HPSE2: variants seen among roughly 807,000 people sequenced by gnomAD.
The protein encoded by HPSE2 is heparanase 2 (inactive).
Under a neutral mutation model 60.5 loss-of-function variants are expected in HPSE2, and 38 were observed. That is an observed-to-expected ratio of 0.63 (90% confidence interval 0.48 to 0.82). HPSE2 has a LOEUF of 0.82. Ranked by LOEUF, HPSE2 falls within the 40% of genes least tolerant of loss-of-function variation. The pLI is 0.00. For synonymous variants in HPSE2, 295 were observed against 293.2 expected (o/e 1.01, Z -0.06); for missense variants, 713 against 740.4 (o/e 0.96, Z 0.43).
chr10:99,232,935 C>G (rs1849711257), intron 1 of HPSE2, among the ~76,000 whole-genome samples: 1 of 152,246 alleles, frequency 6.6e-6, no homozygotes, highest in Non-Finnish European at 1.5e-5. Context: ...CGACCGTTGC[C>G]AAAAACTTGT....
chr10:99,292,446 A>T, the HPSE2 span, among the ~76,000 whole-genome samples: 2 of 152,204 alleles, frequency 1.3e-5, no homozygotes, highest in Non-Finnish European at 2.9e-5. Flanking sequence ...TTGAACAAGC[A>T]TTCAGGGAGT....
intron 3 of HPSE2, among the ~76,000 whole-genome samples, chr10:98,906,202 C>G (rs993695859): frequency 6.6e-6 from 1 of 152,198 alleles, no homozygotes; most frequent in Non-Finnish European, 1.5e-5. Flanking sequence ...GCTTTCTTCC[C>G]TTTCCCCAAA....
chr10:99,111,095 T>C (rs1202523193), intron 3 of HPSE2, among the ~76,000 whole-genome samples: 3 of 152,156 alleles, frequency 2.0e-5, no homozygotes, highest in Non-Finnish European at 4.4e-5. Flanking sequence ...GAATTACCCT[T>C]CCTCCTTTGT....
intron 9 of HPSE2, among the ~76,000 whole-genome samples, chr10:98,605,263 T>C (rs931032859): frequency 1.3e-5 from 2 of 152,184 alleles, no homozygotes; most frequent in African/African-American, 4.8e-5. Flanking sequence ...CTGGGGATAA[T>C]GAGTGAACAA....
rs543014943 is a variant in HPSE2 at position 98,977,709 on chromosome 10, T to C, written c.610+166529A>G. ...CTTCCATTATATTCTTTCATGAGAC[T>C]ACAATAACTTTTGCCTCTCTGCCTT... On this transcript the variant is annotated intron_variant, in intron 3 of 11. Coordinates refer to ENST00000370552, the MANE Select transcript of HPSE2 (RefSeq NM_021828.5). Among the ~76,000 whole-genome samples, 3 of 152,272 alleles carry C rather than the reference T, an allele frequency of 2.0e-5. No homozygotes were observed. The East Asian group carries it at 5.8e-4, about 29-fold the overall frequency.
At chr10:99,153,008 C>G (rs547274945) in intron 2 of HPSE2, among the ~76,000 whole-genome samples, 1 of 152,312 alleles carries the variant, frequency 6.6e-6, no homozygotes, top group African/African-American at 2.4e-5. Context: ...CCTGGAAAAT[C>G]GGGTCAATCC....
intron 2 of HPSE2, among the ~76,000 whole-genome samples, chr10:99,174,714 A>G (rs1012424151): frequency 6.6e-6 from 1 of 152,200 alleles, no homozygotes; most frequent in Non-Finnish European, 1.5e-5. Context: ...ACCTGAGAAC[A>G]TGATTGTATT....
intron 2 of HPSE2, among the ~76,000 whole-genome samples, chr10:99,231,047 C>A (rs944316337): frequency 1.7e-4 from 26 of 152,092 alleles, no homozygotes; most frequent in African/African-American, 6.3e-4. Context: ...AAAGATATAG[C>A]CTTAAACACC....
At chr10:98,919,562 T>A (rs1163807313) in intron 3 of HPSE2, among the ~76,000 whole-genome samples, 1 of 152,052 alleles carries the variant, frequency 6.6e-6, no homozygotes, top group African/African-American at 2.4e-5. Flanking sequence ...AGTACAGGAA[T>A]AGAGAGAATG....
chr10:98,826,531 T>C (rs181249862), intron 3 of HPSE2, among the ~76,000 whole-genome samples: 5 of 152,316 alleles, frequency 3.3e-5, no homozygotes, highest in Middle Eastern at 3.4e-3. Flanking sequence ...ACTCAAGTAA[T>C]AGAATATTCC....
intron 3 of HPSE2, among the ~76,000 whole-genome samples, chr10:98,956,881 C>T (rs1431113013): frequency 1.3e-5 from 2 of 152,004 alleles, no homozygotes; most frequent in Admixed American, 6.6e-5. Context: ...GATCTGGAGA[C>T]GAAAGGTTTC....
At chr10:98,827,996 T>C (rs917094965) in intron 3 of HPSE2, among the ~76,000 whole-genome samples, 3 of 152,198 alleles carry the variant, frequency 2.0e-5, no homozygotes, top group South Asian at 2.1e-4. Flanking sequence ...TTTGAAAAGA[T>C]TGGCCTCCCC....
intron 3 of HPSE2, among the ~76,000 whole-genome samples, chr10:98,980,986 C>T (rs1430252884): frequency 2.0e-5 from 3 of 152,046 alleles, no homozygotes; most frequent in Middle Eastern, 3.2e-3. Flanking sequence ...TCTAAATTCT[C>T]ACAATTTTAG....
intron 9 of HPSE2, among the ~76,000 whole-genome samples, chr10:98,498,634 T>A (rs1591274016): frequency 6.6e-6 from 1 of 151,910 alleles, no homozygotes; most frequent in East Asian, 1.9e-4. Context: ...CAGCAATGGA[T>A]CCAAACCAAG....
At chr10:99,104,195 G>A (rs866086911) in intron 3 of HPSE2, among the ~76,000 whole-genome samples, 1 of 152,130 alleles carries the variant, frequency 6.6e-6, no homozygotes, top group Non-Finnish European at 1.5e-5. Flanking sequence ...GAGTGAACAG[G>A]CAACCTACAG....
intron 3 of HPSE2, among the ~76,000 whole-genome samples, chr10:98,866,588 A>G (rs1284665429): frequency 6.6e-6 from 1 of 152,126 alleles, no homozygotes; most frequent in Non-Finnish European, 1.5e-5. Context: ...CCAATAATAA[A>G]CAGAAAATAT....
At chr10:98,533,409 T>C (rs897751790) in intron 9 of HPSE2, among the ~76,000 whole-genome samples, 1 of 152,226 alleles carries the variant, frequency 6.6e-6, no homozygotes, top group African/African-American at 2.4e-5. Flanking sequence ...TGGAACACAG[T>C]GTTTATGTTT....
intron 11 of HPSE2, among the ~76,000 whole-genome samples, chr10:98,461,280 G>T (rs2133576186): frequency 6.6e-6 from 1 of 152,334 alleles, no homozygotes; most frequent in South Asian, 2.1e-4. Flanking sequence ...GTAAGTTTGG[G>T]CTAGGTCCAG....
intron 3 of HPSE2, among the ~76,000 whole-genome samples, chr10:99,099,844 C>T (rs1055567406): frequency 1.3e-5 from 2 of 152,114 alleles, no homozygotes; most frequent in African/African-American, 2.4e-5. Context: ...CAATATTCAC[C>T]GTTCTGCAGC....
Sources: gnomAD v4.1 joint callset for allele counts (sites outside exome capture counted in the v4.1 genomes callset) on GRCh38, gnomAD v4.1.1 for gene constraint, MANE v1.5 for transcripts, NCBI Gene and HGNC (gene_info 2026-07-23, HGNC 2026-07-21) for gene names.